Variants in B4GALNT3 observed in about 807,000 individuals in gnomAD.
The protein encoded by B4GALNT3 is beta-1,4-N-acetylgalactosaminyltransferase 3.
A neutral mutation model predicts 120.2 loss-of-function variants in B4GALNT3; 86 were observed. The observed-to-expected ratio is 0.72, with a 90% CI of 0.60 to 0.86. B4GALNT3 has a LOEUF of 0.86. B4GALNT3 is among the 40% of genes least tolerant of loss of function. B4GALNT3 has a pLI of 0.00. For missense variants in B4GALNT3, 1,167 were observed against 1,298.9 expected (o/e 0.90, Z 1.56); for synonymous variants, 518 against 510.4 (o/e 1.01, Z -0.20).
At chr12:544,310 C>T (rs1014885912) in intron 3 of B4GALNT3, 29 bp from the exon 4 acceptor site, 5 of 1,608,330 alleles carry the variant, frequency 3.1e-6, no homozygotes, top group Non-Finnish European at 3.4e-6. Flanking sequence ...TGCTCACGCT[C>T]ACTCACCACT....
chr12:550,891 ACC>A lies in B4GALNT3; in HGVS notation c.998-29_998-28del. 1 of 1,547,122 alleles carries A rather than the reference ACC, an allele frequency of 6.5e-7. No homozygotes were observed. Among genetic ancestry groups the A allele is most frequent in the Non-Finnish European group, 8.9e-7 (1 of 1,120,678 alleles). On this transcript the variant is annotated intron_variant, in intron 10 of 19. Coordinates refer to ENST00000266383, the MANE Select transcript of B4GALNT3 (RefSeq NM_173593.4). This position sits in a 1 kb window ranked among gnomAD's most constrained non-coding sequence, Gnocchi z 4.1. ...CAGCCCCAGTTTCGTGCTCACCCTCACCCTCACTCCTCCTCCTCCACTGTCCT... is the reference window on the plus strand; with the variant it reads ...CAGCCCCAGTTTCGTGCTCACCCTCACTCACTCCTCCTCCTCCACTGTCCT...
At chr12:480,243 C>G (rs1007807736) in intron 1 of B4GALNT3, among the ~76,000 whole-genome samples, 8 of 152,142 alleles carry the variant, frequency 5.3e-5, no homozygotes, top group Non-Finnish European at 8.8e-5. Context: ...CAGAACTGAC[C>G]AATTAAAAAG....
intron 18 of B4GALNT3, 123 bp from the exon 19 acceptor site, chr12:559,172 C>G (rs1292827867): frequency 2.3e-6 from 3 of 1,323,218 alleles, no homozygotes; most frequent in Non-Finnish European, 3.2e-6. Flanking sequence ...AGACAGTTTT[C>G]AGCCTCCCTC....
rs371561418 is a variant in B4GALNT3 at position 553,659 on chromosome 12, G to T, written c.1736G>T (p.Arg579Leu). 3.7e-6 allele frequency: 6 copies of T among 1,613,936 alleles called. No individual in the cohort carries two copies. The Admixed American group carries it at 1.0e-4, about 27-fold the overall frequency. Reference protein sequence around the residue: ...IAEQRRGDRMRPQAPGRGWHG... With the variant: ...IAEQRRGDRMLPQAPGRGWHG... ...GAGCAGAGACGGGGTGACAGGATGC[G>T]GCCTCAGGCCCCTGGAAGGGGCTGG... Residue 579 changes from arginine (R) to leucine (L), a missense_variant, in exon 14 of 20, where the codon CGG (arginine) becomes CTG (leucine). This residue lies in a region of B4GALNT3 where 983 missense variants were observed against 1,102.5 expected (regional missense o/e 0.89). Transcript: ENST00000266383.
Position 506,722 on chromosome 12 carries a change from C to A in B4GALNT3, c.170-28444C>A, listed in dbSNP as rs572536705. Among the ~76,000 whole-genome samples, 22 of 152,210 alleles carry A rather than the reference C, an allele frequency of 1.4e-4. No homozygotes were observed. In the East Asian group the frequency reaches 1.9e-3, roughly 13 times the overall value. On this transcript the variant is annotated intron_variant, in intron 1 of 19. Transcript: ENST00000266383. ...CGCGGTCTCGGCTCACTGCAAGCTC[C>A]GCCTCCCGGGTTCACGCCATTCTCC...
chr12:480,204 C>T (rs1490197954), intron 1 of B4GALNT3, among the ~76,000 whole-genome samples: 10 of 134,104 alleles, frequency 7.5e-5, no homozygotes, highest in Admixed American at 5.5e-4. Flanking sequence ...CGTGAGCCAC[C>T]GCGCCCGGCC....
intron 1 of B4GALNT3, among the ~76,000 whole-genome samples, chr12:507,741 C>G (rs1946511625): frequency 6.6e-6 from 1 of 152,236 alleles, no homozygotes; most frequent in South Asian, 2.1e-4. Flanking sequence ...AGCATTCCAG[C>G]TGTAGGGCCC....
rs1335440137 is a variant in B4GALNT3, at chr12:562,889, G to A, written c.*1438G>A. On this transcript the variant is annotated 3_prime_UTR_variant, in exon 20 of 20. Transcript: ENST00000266383. This position sits in a 1 kb window ranked among gnomAD's most constrained non-coding sequence, Gnocchi z 5.2. Reference sequence around the variant, plus strand: ...AGGTGCGGCGGGGCCCAGAAGACCAGGCCACTGAGCCCGCGCTCCAGGCTG... The same window carrying A: ...AGGTGCGGCGGGGCCCAGAAGACCAAGCCACTGAGCCCGCGCTCCAGGCTG... 6.6e-6 allele frequency: 1 copy of A among 152,360 alleles called. No individual in the cohort carries two copies. The highest frequency in any genetic ancestry group is 2.4e-5 in the African/African-American group (1 of 41,448). 9.4% of individuals were successfully genotyped at this position (152,360 alleles called of 1,614,324 possible). A position where few individuals can be genotyped will look rare whatever the true frequency, so the allele number is the denominator to read the frequency against.
At chr12:516,802 G>A (rs1414413049) in intron 1 of B4GALNT3, among the ~76,000 whole-genome samples, 1 of 152,178 alleles carries the variant, frequency 6.6e-6, no homozygotes, top group Non-Finnish European at 1.5e-5. Context: ...GTGCAGGGGT[G>A]GATACAAGGG....
At chr12:535,863 A>G (rs1434761517) in intron 2 of B4GALNT3, among the ~76,000 whole-genome samples, 1 of 152,136 alleles carries the variant, frequency 6.6e-6, no homozygotes, top group Non-Finnish European at 1.5e-5. Flanking sequence ...GACCTGCACA[A>G]TAGGGAGGGT....
intron 1 of B4GALNT3, among the ~76,000 whole-genome samples, chr12:513,966 G>A (rs990816017): frequency 6.6e-6 from 1 of 152,194 alleles, no homozygotes; most frequent in African/African-American, 2.4e-5. Flanking sequence ...GTTGATGATG[G>A]ACATTTGCAT....
At chr12:539,317 T>C (rs1946892114) in intron 3 of B4GALNT3, among the ~76,000 whole-genome samples, 1 of 152,188 alleles carries the variant, frequency 6.6e-6, no homozygotes, top group South Asian at 2.1e-4. Context: ...TGTTGGTAAA[T>C]ACACTGCTCC....
At chr12:475,485 C>G (rs1946176269) in intron 1 of B4GALNT3, among the ~76,000 whole-genome samples, 1 of 152,090 alleles carries the variant, frequency 6.6e-6, no homozygotes, top group Non-Finnish European at 1.5e-5. Flanking sequence ...GTAGCTTCAC[C>G]CTCACTTCCT....
rs776431981 is a variant in B4GALNT3, at chr12:557,594, A to AC, written c.2381-9dup. ...TGTCTGTGTTTCCTTCTCCTGCCTGACCCCCTGGGGTAGTGAAGAACCAGG... is the reference window on the plus strand; with the variant it reads ...TGTCTGTGTTTCCTTCTCCTGCCTGACCCCCCTGGGGTAGTGAAGAACCAGG... On this transcript the variant is annotated splice_polypyrimidine_tract_variant and intron_variant, in intron 15 of 19. Transcript: ENST00000266383. 8.1e-6 allele frequency: 13 copies of AC among 1,600,908 alleles called. No homozygotes were observed. Among genetic ancestry groups the AC allele is most frequent in the African/African-American group, 1.4e-5 (1 of 74,068 alleles).
At chr12:467,206 A>G (rs986096257) in intron 1 of B4GALNT3, among the ~76,000 whole-genome samples, 5 of 152,128 alleles carry the variant, frequency 3.3e-5, no homozygotes, top group Non-Finnish European at 5.9e-5. Flanking sequence ...TCCTGGGCTC[A>G]GTGACAGGAG....
rs1393724829 is a variant in B4GALNT3, at chr12:556,691, G to A, written c.2205G>A (p.Gln735=). ...AGTATGTGTCTGCACGAGGCTGGCAGGGCATCGATCCAGCTGGTGGGGAGG... is the reference window on the plus strand; with the variant it reads ...AGTATGTGTCTGCACGAGGCTGGCAAGGCATCGATCCAGCTGGTGGGGAGG... The part of the protein sequence containing the change: ...LSEYVSARGW[Q]GIDPAGGEEV... Residue 735 remains glutamine (Q), a synonymous_variant, in exon 15 of 20, where the codon CAG becomes CAA. Transcript: ENST00000266383. The A allele has an allele frequency of 6.8e-6, 11 of 1,613,998 alleles. No individual in the cohort carries two copies. The highest frequency in any genetic ancestry group is 9.3e-6 in the Non-Finnish European group (11 of 1,180,040).
chr12:549,095 C>T (rs1004360739), intron 9 of B4GALNT3, among the ~76,000 whole-genome samples: 2 of 152,164 alleles, frequency 1.3e-5, no homozygotes. Context: ...CAGTGAGACT[C>T]CCATCCTCAG....
chr12:491,290 A>G (rs145824351), intron 1 of B4GALNT3, among the ~76,000 whole-genome samples: 38 of 152,258 alleles, frequency 2.5e-4, no homozygotes, highest in African/African-American at 8.4e-4. Context: ...ATAGATACAG[A>G]AAAGATATTT....
intron 1 of B4GALNT3, among the ~76,000 whole-genome samples, chr12:526,580 C>A (rs1389835895): frequency 6.6e-6 from 1 of 152,162 alleles, no homozygotes; most frequent in Non-Finnish European, 1.5e-5. Context: ...TATCAAGGGT[C>A]TTAAGTCAAA....
Sources: gnomAD v4.1 joint callset for allele counts (sites outside exome capture counted in the v4.1 genomes callset) on GRCh38, gnomAD v4.1.1 for gene constraint, gnomAD v4.1.1 regional missense constraint, Gnocchi (gnomAD v3.1) non-coding constraint, MANE v1.5 for transcripts, NCBI Gene and HGNC (gene_info 2026-07-23, HGNC 2026-07-21) for gene names.